The following NLGN1 variants were observed in gnomAD, a reference collection of about 807,000 sequenced individuals.
NLGN1 encodes neuroligin 1, also known as neuroligin-1.
NLGN1 carries 12 observed loss-of-function variants against 65.5 expected under a neutral mutation model. That is an observed-to-expected ratio of 0.18 (90% CI 0.12 to 0.30). The LOEUF (loss-of-function observed/expected upper bound fraction) is 0.30. Ranked by LOEUF, NLGN1 falls within the 10% of genes least tolerant of loss-of-function variation. The pLI, the probability that NLGN1 is intolerant of heterozygous loss-of-function variation, is 1.00. For synonymous variants in NLGN1, 350 were observed against 359.5 expected, an observed-to-expected ratio of 0.97 and a Z score of 0.30; for missense variants, 750 against 1,007.1, an observed-to-expected ratio of 0.74 and a Z score of 3.46.
chr3:173,820,996 A>T (rs1720177969), intron 4 of NLGN1, among the ~76,000 whole-genome samples: 3 of 152,184 alleles, frequency 2.0e-5, no homozygotes, highest in Admixed American at 6.5e-5. Context: ...ACAAATAGAG[A>T]TTTGGGTGCA....
intron 4 of NLGN1, among the ~76,000 whole-genome samples, chr3:174,150,725 A>C (rs1183522535): frequency 6.6e-6 from 1 of 152,178 alleles, no homozygotes; most frequent in Non-Finnish European, 1.5e-5. Flanking sequence ...TATTAGGAAG[A>C]AATGATAAAT....
At chr3:173,562,767 C>G (rs1038708678) in intron 2 of NLGN1, among the ~76,000 whole-genome samples, 1 of 152,166 alleles carries the variant, frequency 6.6e-6, no homozygotes, top group Non-Finnish European at 1.5e-5. Flanking sequence ...CTCATCTTAT[C>G]TGTTTATACT....
exon 3 of NLGN1, chr3:173,604,739 A>C (rs1751098832): frequency 6.2e-7 from 1 of 1,613,664 alleles, no homozygotes; most frequent in Non-Finnish European, 8.5e-7. Flanking sequence ...TATCACAAAA[A>C]TTGGATGATG....
At chr3:173,884,412 T>A (rs1267908186) in intron 4 of NLGN1, among the ~76,000 whole-genome samples, 1 of 152,134 alleles carries the variant, frequency 6.6e-6, no homozygotes, top group Admixed American at 6.6e-5. Flanking sequence ...ATTTAGGTGG[T>A]CTTTGATTTA....
chr3:173,908,011 C>T (rs1031277849), intron 4 of NLGN1, among the ~76,000 whole-genome samples: 6 of 152,340 alleles, frequency 3.9e-5, no homozygotes, highest in Non-Finnish European at 5.9e-5. Flanking sequence ...TGAGCCACCA[C>T]GCCCAGCAGA....
intron 4 of NLGN1, among the ~76,000 whole-genome samples, chr3:173,938,191 A>C (rs965356639): frequency 2.6e-5 from 4 of 152,146 alleles, no homozygotes; most frequent in Non-Finnish European, 4.4e-5. Flanking sequence ...TGCTATTCAC[A>C]AGAATTGCAG....
At chr3:173,949,485 C>A (rs1467857876) in intron 4 of NLGN1, among the ~76,000 whole-genome samples, 2 of 152,034 alleles carry the variant, frequency 1.3e-5, no homozygotes, top group Admixed American at 6.6e-5. Context: ...CCCCTAATAG[C>A]CAATGCATAA....
chr3:174,183,872 G>C (rs1730902235), intron 4 of NLGN1, among the ~76,000 whole-genome samples: 1 of 152,174 alleles, frequency 6.6e-6, no homozygotes, highest in Admixed American at 6.6e-5. Context: ...AAATGAAAGA[G>C]GGTCTCTTGG....
chr3:173,518,995 CA>C (rs960124508), intron 2 of NLGN1, among the ~76,000 whole-genome samples: 2 of 152,134 alleles, frequency 1.3e-5, no homozygotes, highest in African/African-American at 4.8e-5. Flanking sequence ...CTGTCCTGCA[CA>C]GCCTCAGAAC....
At chr3:174,209,221 A>T (rs116307486) in intron 4 of NLGN1, among the ~76,000 whole-genome samples, 1 of 152,062 alleles carries the variant, frequency 6.6e-6, no homozygotes, top group Non-Finnish European at 1.5e-5. Flanking sequence ...ACCGTGCCCG[A>T]CCTAATTCTG....
intron 4 of NLGN1, among the ~76,000 whole-genome samples, chr3:173,938,339 C>G (rs947972188): frequency 1.3e-5 from 2 of 152,120 alleles, no homozygotes; most frequent in South Asian, 4.1e-4. Context: ...CAGAGCATGA[C>G]TCAGCATGTT....
intron 1 of NLGN1, among the ~76,000 whole-genome samples, chr3:173,419,718 C>A (rs1268953618): frequency 6.6e-6 from 1 of 151,936 alleles, no homozygotes; most frequent in Non-Finnish European, 1.5e-5. Flanking sequence ...TGCCTGTAAT[C>A]CCAGCACTTT....
At chr3:173,581,243 G>C (rs1324906685) in intron 2 of NLGN1, among the ~76,000 whole-genome samples, 1 of 151,860 alleles carries the variant, frequency 6.6e-6, no homozygotes, top group Admixed American at 6.6e-5. Flanking sequence ...TCTAATATTT[G>C]GTATCTCTTT....
intron 2 of NLGN1, among the ~76,000 whole-genome samples, chr3:173,550,084 G>A (rs1159056407): frequency 6.6e-6 from 1 of 152,030 alleles, no homozygotes; most frequent in Non-Finnish European, 1.5e-5. Context: ...GTCAAGGCTT[G>A]ATTTTTAATA....
chr3:173,923,098 C>G (rs896559599), intron 4 of NLGN1, among the ~76,000 whole-genome samples: 1 of 151,916 alleles, frequency 6.6e-6, no homozygotes, highest in East Asian at 1.9e-4. Context: ...GGTAAGATAC[C>G]TAATCTAATA....
chr3:173,497,690 T>C (rs1326746155), intron 2 of NLGN1, among the ~76,000 whole-genome samples: 3 of 151,784 alleles, frequency 2.0e-5, no homozygotes, highest in African/African-American at 7.3e-5. Flanking sequence ...TCAAAACTTC[T>C]GATGATTCAC....
chr3:173,444,654 T>TC (rs2148812740), intron 2 of NLGN1, among the ~76,000 whole-genome samples: 1 of 152,254 alleles, frequency 6.6e-6, no homozygotes, highest in South Asian at 2.1e-4. Context: ...GCCCTTACTA[T>TC]ATTAGTTTAC....
In NLGN1 at chr3:173,959,349, A is replaced by C. The variant is rs558977510; in HGVS notation, c.646+151517A>C. Among the ~76,000 whole-genome samples the C allele has an allele frequency of 3.9e-5, 6 of 152,342 alleles. No individual in the cohort carries two copies. In the South Asian group the frequency reaches 1.2e-3, roughly 32 times the overall value. ...CTATCAGTAGTGAGACATATTTATC[A>C]AACCAGAAGCAGGAAACACCTAGGG... On this transcript the variant is annotated intron_variant, in intron 4 of 6. Transcript: ENST00000457714.
At chr3:173,742,219 C>T (rs914154742) in intron 3 of NLGN1, among the ~76,000 whole-genome samples, 12 of 151,952 alleles carry the variant, frequency 7.9e-5, no homozygotes, top group African/African-American at 2.9e-4. Context: ...TATTTTGAAA[C>T]TAAAACTCAT....
Sources: allele counts gnomAD v4.1 joint callset (sites outside exome capture counted in the v4.1 genomes callset), GRCh38; gene constraint gnomAD v4.1.1; transcripts MANE v1.5; gene names NCBI Gene and HGNC (gene_info 2026-07-23, HGNC 2026-07-21).